The following CROCC2 variants were observed in gnomAD, a reference collection of about 807,000 sequenced individuals.
CROCC2 encodes ciliary rootlet coiled-coil, rootletin family member 2.
CROCC2 carries 163 observed loss-of-function variants against 177.6 expected under a neutral mutation model. The observed-to-expected ratio is 0.92, with a 90% CI of 0.81 to 1.05. CROCC2 has a LOEUF of 1.05. CROCC2 is among the 50% of genes least tolerant of loss of function. The probability of loss-of-function intolerance (pLI) is 0.00; values close to 1 mark genes in which losing one functional copy is unlikely to be tolerated. For synonymous variants in CROCC2, 904 were observed against 787.3 expected (o/e 1.15, Z -2.48); for missense variants, 1,929 against 1,797.8 (o/e 1.07, Z -1.32).
chr2:240,955,864 G>T lies in CROCC2; in HGVS notation c.2835G>T (p.Leu945=). 6.5e-7 allele frequency: 1 copy of T among 1,534,892 alleles called. No individual in the cohort carries two copies. Among genetic ancestry groups the T allele is most frequent in the Non-Finnish European group, 8.7e-7 (1 of 1,146,652 alleles). The part of the protein sequence containing the change: ...LQLEHKMQQA[L]SLKETERSLL... ...GCATACCCCGTCCTGTTCAGGCCCT[G>T]TCCCTGAAAGAAACAGAGCGGAGCC... The change falls in exon 19 of 32, where the codon CTG becomes CTT. Residue 945 remains leucine, a synonymous_variant. Coordinates refer to ENST00000690015, the MANE Select transcript of CROCC2 (RefSeq NM_001351305.2).
In CROCC2 at chr2:240,934,400, G is replaced by C. The variant is rs1156998904; in HGVS notation, c.1716G>C (p.Glu572Asp). The change falls in exon 12 of 32, where the codon GAG (glutamate) becomes GAC (aspartate). Residue 572 changes from glutamate (E) to aspartate (D), a missense_variant. By Grantham distance (45) the Glu-to-Asp change is conservative. Transcript: ENST00000690015. ...GAGAGGAGCTGGCATCGGTCCGGGA[G>C]GCACTGAGCACAGCACAGCTGCAGC... is the stretch of plus-strand genomic sequence containing the variant. ...GLREELASVR[E>D]ALSTAQLQRD... 1.9e-6 allele frequency: 3 copies of C among 1,548,776 alleles called. No homozygotes were observed. The South Asian group carries it at 3.6e-5, about 18-fold the overall frequency.
chr2:240,932,461 C>T (rs1330633667), intron 8 of CROCC2, 47 bp downstream of exon 8: 1 of 716,782 alleles, frequency 1.4e-6, no homozygotes, highest in Admixed American at 2.0e-5. Context: ...GTCTGTCACC[C>T]TTGCTCAGGA....
Position 240,988,819 on chromosome 2 carries a change from C to A in CROCC2, c.4632C>A (p.Asn1544Lys), listed in dbSNP as rs993185200. The A allele has an allele frequency of 1.3e-6, 2 of 1,511,892 alleles. No individual in the cohort carries two copies. The highest frequency in any genetic ancestry group is 1.8e-6 in the Non-Finnish European group (2 of 1,125,410). The allele number at this position is 1,511,892 out of a possible 1,614,324, so 93.7% of individuals were successfully genotyped here. A position where few individuals can be genotyped will look rare whatever the true frequency, so the allele number is the denominator to read the frequency against. The change falls in exon 29 of 32, where the codon AAC (asparagine) becomes AAA (lysine). Residue 1544 changes from asparagine to lysine, a missense_variant. Asn to Lys is a moderately conservative substitution (Grantham distance 94). Around this residue, in one of 3 missense-constraint regions of CROCC2, gnomAD observed 388 missense variants for 352.7 expected, o/e 1.10. Transcript: ENST00000690015. ...AGGAGCAGCTGGACCAGTCTCTGAA[C>A]AGCCTGCACCAGGAGGTGGACGGAG... ...AEKEQLDQSL[N>K]SLHQEVDGAL... is the part of the protein sequence containing the mutation.
chr2:240,954,024 C>G (rs1003866965), intron 18 of CROCC2, among the ~76,000 whole-genome samples: 1 of 152,154 alleles, frequency 6.6e-6, no homozygotes, highest in East Asian at 1.9e-4. Flanking sequence ...CCTTGCAGAC[C>G]TTATAGTCCA....
intron 14 of CROCC2, among the ~76,000 whole-genome samples, chr2:240,939,047 A>G (rs932744521): frequency 3.3e-5 from 5 of 152,146 alleles, no homozygotes; most frequent in African/African-American, 1.2e-4. Context: ...AAAGTTGAAT[A>G]TAAGTGGTGA....
chr2:240,988,962 G>A, intron 29 of CROCC2, 92 bp downstream of exon 29: 1 of 1,266,372 alleles, frequency 7.9e-7, no homozygotes, highest in Non-Finnish European at 1.0e-6. Context: ...AGGGGTGGCT[G>A]GTGTACCTCC....
chr2:240,940,489 T>A (rs2059489653), intron 14 of CROCC2, among the ~76,000 whole-genome samples: 2 of 152,198 alleles, frequency 1.3e-5, no homozygotes, highest in South Asian at 4.1e-4. Context: ...ATTTAAAGTG[T>A]GTGCCACCAT....
rs774059178 is a variant in CROCC2 at position 240,963,700 on chromosome 2, G to C, written c.3232G>C (p.Glu1078Gln). Reference sequence around the variant, plus strand: ...CCGGGCGCTGAGTGACGAGGCCCGCGAGAAGGACGTACTGTTGCTTTTCAA... The same window carrying C: ...CCGGGCGCTGAGTGACGAGGCCCGCCAGAAGGACGTACTGTTGCTTTTCAA... ...ARRALSDEAR[E>Q]KDVLLLFNSE... is the part of the protein sequence containing the mutation. Residue 1078 changes from glutamate to glutamine, a missense_variant, in exon 21 of 32, where the codon GAG (glutamate) becomes CAG (glutamine). Glu to Gln is a conservative substitution (Grantham distance 29). Coordinates refer to ENST00000690015, the MANE Select transcript of CROCC2 (RefSeq NM_001351305.2). 6.5e-7 allele frequency: 1 copy of C among 1,550,328 alleles called. No homozygotes were observed. Among genetic ancestry groups the C allele is most frequent in the Non-Finnish European group, 8.7e-7 (1 of 1,146,828 alleles).
At chr2:240,923,288 G>T (rs2059369197) in intron 4 of CROCC2, among the ~76,000 whole-genome samples, 1 of 151,860 alleles carries the variant, frequency 6.6e-6, no homozygotes. Context: ...ACCGCTGTCA[G>T]TGAGCACTGA....
chr2:240,921,362 C>T (rs2059356140), intron 3 of CROCC2, among the ~76,000 whole-genome samples: 1 of 152,204 alleles, frequency 6.6e-6, no homozygotes, highest in African/African-American at 2.4e-5. Flanking sequence ...GGGTCCACCC[C>T]ACCTGATGGG....
intron 1 of CROCC2, among the ~76,000 whole-genome samples, chr2:240,916,296 C>T (rs899417577): frequency 3.3e-5 from 5 of 151,832 alleles, no homozygotes; most frequent in African/African-American, 4.8e-5. Context: ...TTCTCTCCTC[C>T]GGGTGGTTCC....
intron 1 of CROCC2, among the ~76,000 whole-genome samples, chr2:240,916,406 T>G (rs1574744195): frequency 5.6e-5 from 1 of 17,760 alleles, no homozygotes; most frequent in South Asian, 2.5e-3. Context: ...GCCCCCTCCT[T>G]CCCCGGTGCC....
intron 14 of CROCC2, among the ~76,000 whole-genome samples, chr2:240,942,926 G>A (rs77085082): frequency 0.028 from 4,306 of 152,130 alleles, 144 homozygotes; most frequent in East Asian, 0.16. Flanking sequence ...CAGACTGTCA[G>A]CTGCTATTTT....
chr2:240,970,987 G>A (rs1039176136), intron 27 of CROCC2, among the ~76,000 whole-genome samples: 9 of 152,186 alleles, frequency 5.9e-5, no homozygotes, highest in East Asian at 3.8e-4. Flanking sequence ...GGGGGCATCC[G>A]GGCTCATCCC....
chr2:240,928,352 T>G (rs987751753), intron 5 of CROCC2, among the ~76,000 whole-genome samples: 2 of 152,206 alleles, frequency 1.3e-5, no homozygotes, highest in Non-Finnish European at 2.9e-5. Context: ...CTTTTTTCTC[T>G]GTTTAACTCC....
At chr2:240,945,261 C>T (rs1009064179) in intron 14 of CROCC2, among the ~76,000 whole-genome samples, 11 of 152,196 alleles carry the variant, frequency 7.2e-5, no homozygotes, top group Non-Finnish European at 1.5e-4. Context: ...CCCTGGCAGG[C>T]AGTGAACGTA....
chr2:240,962,590 C>T (rs1224366423), intron 20 of CROCC2, among the ~76,000 whole-genome samples: 1 of 152,180 alleles, frequency 6.6e-6, no homozygotes, highest in Non-Finnish European at 1.5e-5. Context: ...GGACAATATC[C>T]CGTGAAAACA....
chr2:240,929,133 G>A (rs1034733412), intron 5 of CROCC2, among the ~76,000 whole-genome samples: 3 of 152,140 alleles, frequency 2.0e-5, no homozygotes, highest in East Asian at 1.9e-4. Context: ...CAGCTGGGGG[G>A]AATCTCAGGT....
At chr2:240,961,418 C>A (rs538683489) in intron 20 of CROCC2, among the ~76,000 whole-genome samples, 1 of 152,100 alleles carries the variant, frequency 6.6e-6, no homozygotes, top group East Asian at 1.9e-4. Context: ...GTGCACCAAG[C>A]ACACACACGC....
Sources: gnomAD v4.1 joint callset for allele counts (sites outside exome capture counted in the v4.1 genomes callset) on GRCh38, gnomAD v4.1.1 for gene constraint, gnomAD v4.1.1 regional missense constraint, MANE v1.5 for transcripts, NCBI Gene and HGNC (gene_info 2026-07-23, HGNC 2026-07-21) for gene names.